The following SLC2A9 variants were observed in gnomAD, a reference collection of about 807,000 sequenced individuals.
SLC2A9 encodes solute carrier family 2 member 9.
SLC2A9 carries 39 observed loss-of-function variants against 50.6 expected under a neutral mutation model. The observed-to-expected ratio is 0.77, with a 90% confidence interval of 0.60 to 1.01. The LOEUF is 1.01. Ranked by LOEUF, SLC2A9 falls within the 50% of genes least tolerant of loss-of-function variation. SLC2A9 has a pLI of 0.00. For synonymous variants in SLC2A9, 324 were observed against 276.9 expected (o/e 1.17, Z -1.69); for missense variants, 686 against 677.6 (o/e 1.01, Z -0.14).
intron 1 of SLC2A9, among the ~76,000 whole-genome samples, chr4:10,036,394 G>A (rs994827869): frequency 2.0e-5 from 3 of 152,242 alleles, no homozygotes; most frequent in African/African-American, 4.8e-5. Context: ...TCTGATCACA[G>A]TGCTGAAAGC....
intron 6 of SLC2A9, among the ~76,000 whole-genome samples, chr4:9,930,570 GTT>G (rs1272253179): frequency 6.6e-6 from 1 of 152,222 alleles, no homozygotes; most frequent in East Asian, 1.9e-4. Context: ...CATGGAAGAG[GTT>G]GGTTTTCCTC....
At chr4:9,952,919 G>A (rs1045395876) in intron 5 of SLC2A9, among the ~76,000 whole-genome samples, 1 of 152,260 alleles carries the variant, frequency 6.6e-6, no homozygotes, top group African/African-American at 2.4e-5. Context: ...AGAAGCGGTC[G>A]GGTCATTTTC....
intron 3 of SLC2A9, among the ~76,000 whole-genome samples, chr4:9,801,422 G>T (rs191466118): frequency 3.0e-4 from 45 of 152,340 alleles, no homozygotes; most frequent in African/African-American, 8.4e-4. Flanking sequence ...CAGAGGAAAA[G>T]CCACTTGAGG....
At chr4:9,989,658 C>T (rs918060607) in intron 3 of SLC2A9, among the ~76,000 whole-genome samples, 11 of 152,116 alleles carry the variant, frequency 7.2e-5, no homozygotes, top group African/African-American at 2.4e-5. Flanking sequence ...GATAACAGCA[C>T]ACCTTTCCAA....
At chr4:9,812,492 C>T (rs1020380692) in intron 3 of SLC2A9, among the ~76,000 whole-genome samples, 2 of 148,438 alleles carry the variant, frequency 1.3e-5, no homozygotes, top group Admixed American at 6.7e-5. Flanking sequence ...CCAGCATAAA[C>T]ATGTTTTTTT....
At chr4:9,940,600 C>A (rs1747942055) in intron 6 of SLC2A9, among the ~76,000 whole-genome samples, 1 of 152,148 alleles carries the variant, frequency 6.6e-6, no homozygotes, top group Non-Finnish European at 1.5e-5. Flanking sequence ...CTCTATAAAC[C>A]AAAACCCACA....
chr4:9,941,841 A>C (rs1424302187), intron 6 of SLC2A9, 72 bp downstream of exon 6: 1 of 1,603,106 alleles, frequency 6.2e-7, no homozygotes, highest in Non-Finnish European at 8.5e-7. Context: ...CCATTGGCCC[A>C]GGTCCCAGCA....
At chr4:9,794,634 G>A (rs938209986), downstream of SLC2A9, among the ~76,000 whole-genome samples, 4 of 152,124 alleles carry the variant, frequency 2.6e-5, no homozygotes, top group Non-Finnish European at 5.9e-5. Context: ...AAGAGTGTGG[G>A]GATGACAGAT....
intron 10 of SLC2A9, among the ~76,000 whole-genome samples, chr4:9,874,945 G>A (rs545507098): frequency 1.8e-4 from 20 of 113,138 alleles, no homozygotes; most frequent in Admixed American, 3.4e-4. Flanking sequence ...ATAGGTTAGC[G>A]TCTGTCTAAG....
chr4:9,781,088 G>A (rs1413368671), intron 3 of SLC2A9, among the ~76,000 whole-genome samples: 1 of 152,064 alleles, frequency 6.6e-6, no homozygotes, highest in Non-Finnish European at 1.5e-5. Flanking sequence ...GAGGGGCTGG[G>A]GGAAGCGGGA....
chr4:9,782,103 A>G (rs748208599), intron 3 of SLC2A9: 1 of 1,535,922 alleles, frequency 6.5e-7, no homozygotes, highest in Non-Finnish European at 8.8e-7. Context: ...GCGCAGGGGA[A>G]CGCCGTGGGG....
chr4:9,997,218 CA>C (rs1758838399), intron 2 of SLC2A9, among the ~76,000 whole-genome samples: 2 of 151,872 alleles, frequency 1.3e-5, no homozygotes, highest in Admixed American at 1.3e-4. Context: ...TTTTTTGTAA[CA>C]AAATGTTTCC....
chr4:10,035,194 C>T (rs1764059611), intron 1 of SLC2A9: 1 of 152,240 alleles, frequency 6.6e-6, no homozygotes, highest in Non-Finnish European at 1.5e-5. Context: ...AAGCTGCATC[C>T]TAGGCACCCA....
chr4:9,971,604 T>C (rs1236067364), intron 5 of SLC2A9, among the ~76,000 whole-genome samples: 1 of 152,240 alleles, frequency 6.6e-6, no homozygotes, highest in African/African-American at 2.4e-5. Flanking sequence ...TGAGACAGGT[T>C]GATCCCAGCT....
At chr4:9,783,300 A>G in intron 3 of SLC2A9, 1 of 1,614,214 alleles carries the variant, frequency 6.2e-7, no homozygotes, top group South Asian at 1.1e-5. Flanking sequence ...GGCAACCGGG[A>G]GGTGGACAAC....
rs1284742188 is a variant in SLC2A9 at position 10,018,858 on chromosome 4, C to T, written c.249+117G>A. 5.2e-6 allele frequency: 5 copies of T among 970,382 alleles called. No homozygotes were observed. In the African/African-American group the frequency reaches 6.6e-5, roughly 13 times the overall value. 60.1% of individuals were successfully genotyped at this position (970,382 alleles called of 1,614,324 possible). A position where few individuals can be genotyped will look rare whatever the true frequency, so the allele number is the denominator to read the frequency against. On this transcript the variant is annotated intron_variant, in intron 2 of 11. Transcript: ENST00000264784. ...CCGAGTGGGGGCTAATCTCTGTCCC[C>T]GCGGTGTCCCGCGCCGCGAGCGCAA...
chr4:9,799,503 CT>C lies in SLC2A9; in HGVS notation n.421-263del, dbSNP rs559635386. ...ATTCAGAATGGCTCTGCCCAAATGCCTTAATCAGCTCCTAAAGGCACCACCT... is the reference window on the plus strand; with the variant it reads ...ATTCAGAATGGCTCTGCCCAAATGCCTAATCAGCTCCTAAAGGCACCACCT... On this transcript the variant is annotated intron_variant and non_coding_transcript_variant, in intron 3 of 3. Coordinates refer to the SLC2A9 transcript ENST00000503280. Among the ~76,000 whole-genome samples the C allele has an allele frequency of 5.1e-3, 779 of 152,122 alleles. 4 individuals carry two copies. The highest frequency in any genetic ancestry group is 8.4e-3 in the Non-Finnish European group (568 of 67,988).
rs1292989825 is a variant in SLC2A9 at position 9,985,851 on chromosome 4, T to C, written c.411-58A>G. 23 of 1,612,150 alleles carry C rather than the reference T, an allele frequency of 1.4e-5. No individual in the cohort carries two copies. The East Asian group carries it at 4.9e-4, about 34-fold the overall frequency. On this transcript the variant is annotated intron_variant, in intron 3 of 11. Coordinates refer to ENST00000264784, the MANE Select transcript of SLC2A9 (RefSeq NM_020041.3). The stretch of plus-strand genomic sequence containing the variant: ...CTAACCATGAGGCATGTCACTGAAC[T>C]GTCCATCCCAGGAGCAGGAGCCAGG...
At chr4:9,882,631 C>A (rs1735428522) in intron 10 of SLC2A9, among the ~76,000 whole-genome samples, 1 of 151,430 alleles carries the variant, frequency 6.6e-6, no homozygotes, top group Admixed American at 6.6e-5. Flanking sequence ...ATGGCGTGAA[C>A]CCGGGAGGCG....
Sources: gnomAD v4.1 joint callset for allele counts (sites outside exome capture counted in the v4.1 genomes callset) on GRCh38, gnomAD v4.1.1 for gene constraint, MANE v1.5 for transcripts, NCBI Gene and HGNC (gene_info 2026-07-23, HGNC 2026-07-21) for gene names.